Variants in TMEM181 observed in about 807,000 individuals in gnomAD.
The protein encoded by TMEM181 is G protein-coupled receptor 178.
A neutral mutation model predicts 71.9 loss-of-function variants in TMEM181; 39 were observed. The ratio of observed to expected loss-of-function variants is 0.54; its 90% CI spans 0.42 to 0.71. The LOEUF (loss-of-function observed/expected upper bound fraction) is 0.71, where lower values mean the gene tolerates loss of function less well. Ranked by LOEUF, TMEM181 falls within the 30% of genes least tolerant of loss-of-function variation. The pLI is 0.00. For missense variants in TMEM181, 595 were observed against 583.0 expected (o/e 1.02, Z -0.21); for synonymous variants, 245 against 228.8 (o/e 1.07, Z -0.64).
chr6:158,610,501 G>T, intron 10 of TMEM181: 1 of 377,880 alleles, frequency 2.6e-6, no homozygotes, highest in Non-Finnish European at 4.5e-6. Context: ...TATCAGTGAA[G>T]CCCTGCTCTA....
chr6:158,607,508 C>CA (rs1785019245), intron 8 of TMEM181, among the ~76,000 whole-genome samples, 165 bp downstream of exon 8: 1 of 152,052 alleles, frequency 6.6e-6, no homozygotes, highest in Non-Finnish European at 1.5e-5. Context: ...CAAGACTCTA[C>CA]AAAAAATAAA....
chr6:158,557,505 A>T (rs944645697), upstream of TMEM181, among the ~76,000 whole-genome samples: 10 of 146,834 alleles, frequency 6.8e-5, no homozygotes, highest in Non-Finnish European at 1.0e-4. Flanking sequence ...CACAGCTGTA[A>T]TTATTTATTT....
chr6:158,588,073 G>A (rs1783884718), intron 5 of TMEM181, among the ~76,000 whole-genome samples: 1 of 152,232 alleles, frequency 6.6e-6, no homozygotes, highest in Admixed American at 6.5e-5. Flanking sequence ...CAGAGGGCAG[G>A]CAGCAGATTG....
upstream of TMEM181, among the ~76,000 whole-genome samples, chr6:158,556,245 C>T (rs1237019833): frequency 3.3e-5 from 5 of 152,190 alleles, no homozygotes; most frequent in East Asian, 3.8e-4. Flanking sequence ...GAAGAGTCGC[C>T]TTGGCCAAAA....
At chr6:158,554,935 G>T (rs1781832202) in intron 1 of TMEM181, among the ~76,000 whole-genome samples, 5 of 152,148 alleles carry the variant, frequency 3.3e-5, no homozygotes, top group Admixed American at 3.3e-4. Context: ...CGAAGATTTT[G>T]GACAAAGCAG....
chr6:158,571,578 A>T (rs10945552), intron 1 of TMEM181, among the ~76,000 whole-genome samples: 3 of 119,486 alleles, frequency 2.5e-5, no homozygotes, highest in South Asian at 2.5e-4. Context: ...GATTATAGGC[A>T]TGAGCCACCG....
intron 12 of TMEM181, 25 bp from the exon 13 acceptor site, chr6:158,625,678 G>A (rs769716116): frequency 6.3e-7 from 1 of 1,589,946 alleles, no homozygotes; most frequent in South Asian, 1.2e-5. Flanking sequence ...TTCCAGAGTT[G>A]TTAATGAGTT....
upstream of TMEM181, among the ~76,000 whole-genome samples, chr6:158,558,649 C>T (rs892081875): frequency 6.6e-6 from 1 of 152,204 alleles, no homozygotes; most frequent in Admixed American, 6.5e-5. Context: ...ACAAAAGCAT[C>T]CTCCTCAATT....
intron 3 of TMEM181, among the ~76,000 whole-genome samples, chr6:158,582,769 G>A (rs1261192864): frequency 6.6e-6 from 1 of 152,166 alleles, no homozygotes; most frequent in Non-Finnish European, 1.5e-5. Context: ...AACTCTCTCT[G>A]TGGCCTGCTG....
chr6:158,603,681 A>G (rs1403977628), intron 6 of TMEM181, among the ~76,000 whole-genome samples: 1 of 147,778 alleles, frequency 6.8e-6, no homozygotes. Context: ...TCTGTTGATC[A>G]TCTTCCAAGT....
At chr6:158,578,879 G>A (rs1783311076) in intron 2 of TMEM181, among the ~76,000 whole-genome samples, 2 of 152,230 alleles carry the variant, frequency 1.3e-5, no homozygotes, top group African/African-American at 4.8e-5. Flanking sequence ...ATAGGTTGAA[G>A]TAGAAGGATG....
chr6:158,594,720 T>C (rs1784299854), intron 6 of TMEM181, among the ~76,000 whole-genome samples: 1 of 152,126 alleles, frequency 6.6e-6, no homozygotes, highest in Non-Finnish European at 1.5e-5. Flanking sequence ...TGGAGTTTCA[T>C]TCTTGTTGCC....
At chr6:158,599,732 C>T (rs556731200) in intron 6 of TMEM181, among the ~76,000 whole-genome samples, 9 of 152,310 alleles carry the variant, frequency 5.9e-5, no homozygotes, top group South Asian at 2.1e-4. Context: ...GGATCCAGCG[C>T]GCCTGGAGGC....
intron 1 of TMEM181, chr6:158,572,557 C>A: frequency 4.5e-6 from 2 of 448,732 alleles, no homozygotes; most frequent in African/African-American, 2.0e-5. Context: ...CATGCTCGTG[C>A]GTCCTGTGCT....
chr6:158,580,101 T>G (rs1012755723), intron 2 of TMEM181, among the ~76,000 whole-genome samples: 14 of 152,114 alleles, frequency 9.2e-5, no homozygotes, highest in African/African-American at 3.4e-4. Flanking sequence ...GAGGCTGAGG[T>G]GGGCGGATCT....
intron 3 of TMEM181, among the ~76,000 whole-genome samples, chr6:158,583,617 G>A (rs1190325626): frequency 3.3e-5 from 5 of 152,118 alleles, no homozygotes; most frequent in Admixed American, 6.5e-5. Context: ...TGGCTAACAC[G>A]GTGAAACTCC....
intron 5 of TMEM181, among the ~76,000 whole-genome samples, chr6:158,588,097 T>C (rs1783886625): frequency 6.6e-6 from 1 of 152,202 alleles, no homozygotes; most frequent in Admixed American, 6.5e-5. Context: ...TGAGAGCTGA[T>C]CAGGTGGAAA....
chr6:158,596,021 A>G (rs1027692094), intron 6 of TMEM181, among the ~76,000 whole-genome samples: 18 of 152,080 alleles, frequency 1.2e-4, no homozygotes, highest in African/African-American at 4.1e-4. Context: ...TCCTGGGTTC[A>G]TGCCATCCTC....
At chr6:158,552,100 A>T (rs182329344) in intron 1 of TMEM181, among the ~76,000 whole-genome samples, 5 of 152,376 alleles carry the variant, frequency 3.3e-5, no homozygotes, top group Non-Finnish European at 7.3e-5. Flanking sequence ...AAAGCAATAC[A>T]GAAAGGCATG....
Sources: allele counts gnomAD v4.1 joint callset (sites outside exome capture counted in the v4.1 genomes callset), GRCh38; gene constraint gnomAD v4.1.1; transcripts MANE v1.5; gene names NCBI Gene and HGNC (gene_info 2026-07-23, HGNC 2026-07-21).